ARHGEF28: variants seen among roughly 807,000 people sequenced by gnomAD.
ARHGEF28 encodes Rho guanine nucleotide exchange factor 28.
Under a neutral mutation model 206.6 loss-of-function variants are expected in ARHGEF28, and 152 were observed. The ratio of observed to expected loss-of-function variants is 0.74; its 90% CI spans 0.64 to 0.84. The LOEUF is 0.84. Among genes scored for constraint, ARHGEF28 ranks in the 40% least tolerant of loss-of-function variants. The pLI is 0.00. For synonymous variants in ARHGEF28, 763 were observed against 776.4 expected (o/e 0.98, Z 0.29); for missense variants, 2,028 against 2,073.2 (o/e 0.98, Z 0.42).
intron 4 of ARHGEF28, 69 bp downstream of exon 4, chr5:73,753,271 CTG>C: frequency 7.0e-7 from 1 of 1,437,518 alleles, no homozygotes; most frequent in Non-Finnish European, 9.2e-7. Flanking sequence ...TTATGCTATA[CTG>C]TGTGTTCCCC....
chr5:73,913,143 A>T (rs1762996101), intron 35 of ARHGEF28, among the ~76,000 whole-genome samples: 1 of 152,242 alleles, frequency 6.6e-6, no homozygotes, highest in Non-Finnish European at 1.5e-5. Context: ...AGCCAAAGGA[A>T]ATGCTGAGAA....
intron 2 of ARHGEF28, among the ~76,000 whole-genome samples, chr5:73,692,290 C>G (rs1702586252): frequency 1.3e-5 from 2 of 151,976 alleles, no homozygotes. Context: ...TGTGTGTGGG[C>G]TCTTGCTCCC....
chr5:73,843,258 G>A (rs1384699318), intron 11 of ARHGEF28, among the ~76,000 whole-genome samples: 18 of 152,134 alleles, frequency 1.2e-4, no homozygotes, highest in Non-Finnish European at 1.5e-5. Flanking sequence ...TTGAGTACAG[G>A]TAATTAGAAG....
In ARHGEF28 at chr5:73,924,879, T is replaced by C. The variant is rs111431811; in HGVS notation, c.4948+13304T>C. Among the ~76,000 whole-genome samples the C allele has an allele frequency of 2.5e-3, 380 of 152,284 alleles. 1 individual carries two copies. Among genetic ancestry groups the C allele is most frequent in the African/African-American group, 8.7e-3 (363 of 41,560 alleles). ...GCCAGCATCTTGCAAGACTACTTAT[T>C]CCTTGAAATACACTGTGGAAAAAAC... On this transcript the variant is annotated intron_variant, in intron 35 of 35. Coordinates refer to ENST00000513042, the MANE Select transcript of ARHGEF28 (RefSeq NM_001177693.2).
At chr5:73,784,670 G>A (rs1158280666) in intron 7 of ARHGEF28, among the ~76,000 whole-genome samples, 1 of 152,118 alleles carries the variant, frequency 6.6e-6, no homozygotes, top group Admixed American at 6.6e-5. Flanking sequence ...TGGGGGATAA[G>A]TTCCAAGATC....
At chr5:73,814,115 TA>T in intron 9 of ARHGEF28, among the ~76,000 whole-genome samples, 1 of 152,224 alleles carries the variant, frequency 6.6e-6, no homozygotes, top group South Asian at 2.1e-4. Context: ...TATAGTAATT[TA>T]AAAAAATTTT....
At chr5:73,869,636 G>T (rs1242396219) in intron 20 of ARHGEF28, among the ~76,000 whole-genome samples, 2 of 152,196 alleles carry the variant, frequency 1.3e-5, no homozygotes, top group African/African-American at 4.8e-5. Context: ...GCTGGGCACG[G>T]TGGCTCAGGC....
intron 9 of ARHGEF28, among the ~76,000 whole-genome samples, chr5:73,798,293 T>C (rs544899600): frequency 2.9e-4 from 44 of 152,342 alleles, no homozygotes; most frequent in African/African-American, 1.0e-3. Context: ...AGTCACTCTA[T>C]TGTGCTATCA....
At chr5:73,850,147 C>T (rs1758615962) in intron 13 of ARHGEF28, among the ~76,000 whole-genome samples, 2 of 150,960 alleles carry the variant, frequency 1.3e-5, no homozygotes, top group Non-Finnish European at 2.9e-5. Flanking sequence ...GTGCTTGAAA[C>T]AGCTATCCTA....
intron 4 of ARHGEF28, among the ~76,000 whole-genome samples, chr5:73,756,727 TA>T (rs918193150): frequency 5.9e-5 from 9 of 151,960 alleles, no homozygotes; most frequent in African/African-American, 1.7e-4. Context: ...TATTCCACGT[TA>T]AAAAAAACAA....
At chr5:73,830,122 C>T (rs1025951172) in intron 9 of ARHGEF28, among the ~76,000 whole-genome samples, 2 of 152,080 alleles carry the variant, frequency 1.3e-5, no homozygotes, top group Non-Finnish European at 2.9e-5. Context: ...GACATTGACA[C>T]CAAGTAGAGC....
At chr5:73,683,622 G>T (rs1262352732) in intron 1 of ARHGEF28, among the ~76,000 whole-genome samples, 1 of 151,466 alleles carries the variant, frequency 6.6e-6, no homozygotes, top group Non-Finnish European at 1.5e-5. Flanking sequence ...TTTTTAAAGG[G>T]GCAGGCACAC....
intron 9 of ARHGEF28, among the ~76,000 whole-genome samples, chr5:73,802,679 G>A (rs2962277): frequency 0.64 from 96,530 of 151,930 alleles, 32,156 homozygotes; most frequent in African/African-American, 0.85. Flanking sequence ...ACATGAAACA[G>A]GTGAAAAATA....
At chr5:73,933,073 G>A (rs1453573831) in intron 35 of ARHGEF28, among the ~76,000 whole-genome samples, 1 of 149,004 alleles carries the variant, frequency 6.7e-6, no homozygotes, top group Non-Finnish European at 1.5e-5. Flanking sequence ...GCCTCCCAAA[G>A]TGCTGGGATT....
At chr5:73,782,298 G>C (rs1012517709) in intron 7 of ARHGEF28, among the ~76,000 whole-genome samples, 2 of 152,008 alleles carry the variant, frequency 1.3e-5, no homozygotes, top group East Asian at 3.9e-4. Flanking sequence ...AATTAGCCAG[G>C]TGTGGTGGTG....
rs531739302 is a variant in ARHGEF28 at position 73,922,391 on chromosome 5, C to T, written c.4948+10816C>T. On this transcript the variant is annotated intron_variant, in intron 35 of 35. Transcript: ENST00000513042. ...CATCCTGGGAATACACTGACATTTG[C>T]TAGAGGCAGATGGCAGAAGATAGGA... Among the ~76,000 whole-genome samples, 5 of 152,304 alleles carry T rather than the reference C, an allele frequency of 3.3e-5. 1 individual carries two copies. In the South Asian group the frequency reaches 8.3e-4, roughly 25 times the overall value.
chr5:73,843,510 T>A (rs895363340), intron 11 of ARHGEF28, among the ~76,000 whole-genome samples: 1 of 152,082 alleles, frequency 6.6e-6, no homozygotes, highest in African/African-American at 2.4e-5. Context: ...GATAACAAAC[T>A]CAAAGTGAAA....
At chr5:73,923,044 C>T in intron 35 of ARHGEF28, 1 of 1,501,830 alleles carries the variant, frequency 6.7e-7, no homozygotes, top group Non-Finnish European at 8.9e-7. Context: ...ATGTGATGGT[C>T]TGTTAGTCAG....
At chr5:73,888,359 C>G (rs1338231039) in intron 26 of ARHGEF28, among the ~76,000 whole-genome samples, 1 of 152,204 alleles carries the variant, frequency 6.6e-6, no homozygotes, top group East Asian at 1.9e-4. Context: ...TCTCTATGTT[C>G]CCAATCAATT....
Sources: gnomAD v4.1 joint callset for allele counts (sites outside exome capture counted in the v4.1 genomes callset) on GRCh38, gnomAD v4.1.1 for gene constraint, MANE v1.5 for transcripts, NCBI Gene and HGNC (gene_info 2026-07-23, HGNC 2026-07-21) for gene names.